RPH3A: variants seen among roughly 807,000 people sequenced by gnomAD.
RPH3A encodes the protein rabphilin 3A.
Under a neutral mutation model 102.2 loss-of-function variants are expected in RPH3A, and 48 were observed. The ratio of observed to expected loss-of-function variants is 0.47; its 90% CI spans 0.37 to 0.60. The LOEUF (loss-of-function observed/expected upper bound fraction) is 0.60. Among genes scored for constraint, RPH3A ranks in the 20% least tolerant of loss-of-function variants. RPH3A has a pLI of 0.00. For synonymous variants in RPH3A, 310 were observed against 324.3 expected (o/e 0.96, Z 0.47); for missense variants, 781 against 910.1 (o/e 0.86, Z 1.83).
At chr12:112,894,729 A>G (rs1184043342) in intron 20 of RPH3A, 70 bp downstream of exon 20, 8 of 1,319,130 alleles carry the variant, frequency 6.1e-6, no homozygotes, top group African/African-American at 1.5e-5. Flanking sequence ...AAATAGCCAC[A>G]TAGCCATTAA....
At chr12:112,612,697 T>G (rs2039648313) in intron 1 of RPH3A, among the ~76,000 whole-genome samples, 1 of 151,586 alleles carries the variant, frequency 6.6e-6, no homozygotes, top group South Asian at 2.1e-4. Flanking sequence ...CCTGAGCAGC[T>G]GGGACTACAG....
chr12:112,621,245 C>G (rs546556270), intron 1 of RPH3A, among the ~76,000 whole-genome samples: 1 of 152,032 alleles, frequency 6.6e-6, no homozygotes, highest in South Asian at 2.1e-4. Context: ...CTACAGCTCC[C>G]AGCGTGAGCG....
chr12:112,583,990 A>C (rs893860806), intron 1 of RPH3A, among the ~76,000 whole-genome samples: 1 of 152,176 alleles, frequency 6.6e-6, no homozygotes, highest in Non-Finnish European at 1.5e-5. Flanking sequence ...TGTCTCAAAA[A>C]AATAAATAAA....
At chr12:112,800,981 T>G (rs753550762) in intron 2 of RPH3A, among the ~76,000 whole-genome samples, 1 of 151,142 alleles carries the variant, frequency 6.6e-6, no homozygotes, top group African/African-American at 2.4e-5. Context: ...GGGTTTTTTG[T>G]TTTTTTTTCT....
chr12:112,736,806 A>G (rs370692980), intron 1 of RPH3A, among the ~76,000 whole-genome samples: 1 of 152,326 alleles, frequency 6.6e-6, no homozygotes, highest in East Asian at 1.9e-4. Flanking sequence ...ATAGGTGGAC[A>G]TAGTGGGGGA....
At chr12:112,600,475 C>G (rs991703206) in intron 1 of RPH3A, among the ~76,000 whole-genome samples, 3 of 152,166 alleles carry the variant, frequency 2.0e-5, no homozygotes, top group African/African-American at 7.2e-5. Flanking sequence ...CTGGTCTCCT[C>G]CAAGCAGTAT....
At chr12:112,673,668 A>G (rs2040151421) in intron 1 of RPH3A, among the ~76,000 whole-genome samples, 1 of 152,198 alleles carries the variant, frequency 6.6e-6, no homozygotes, top group South Asian at 2.1e-4. Context: ...TCAAGCATTT[A>G]TCCTTTGAGT....
At chr12:112,720,586 G>A (rs911670133) in intron 1 of RPH3A, among the ~76,000 whole-genome samples, 2 of 152,188 alleles carry the variant, frequency 1.3e-5, no homozygotes, top group Non-Finnish European at 2.9e-5. Flanking sequence ...TGCAACAAAT[G>A]TTTGGTTCTT....
intron 1 of RPH3A, among the ~76,000 whole-genome samples, chr12:112,591,897 C>T (rs2039481734): frequency 6.6e-6 from 1 of 152,126 alleles, no homozygotes; most frequent in Admixed American, 6.5e-5. Flanking sequence ...GGCAATCGTC[C>T]CTCAGTATCC....
At chr12:112,650,069 C>T (rs1320218194) in intron 1 of RPH3A, among the ~76,000 whole-genome samples, 7 of 152,204 alleles carry the variant, frequency 4.6e-5, no homozygotes, top group African/African-American at 1.7e-4. Context: ...TTTAGCACCA[C>T]CATTATCATC....
chr12:112,584,253 A>AAGG (rs10669375), intron 1 of RPH3A, among the ~76,000 whole-genome samples: 71,746 of 151,662 alleles, frequency 0.47, 20,032 homozygotes, highest in East Asian at 0.88. Context: ...TTAAACACAA[A>AAGG]AGAATAGAGT....
intron 1 of RPH3A, among the ~76,000 whole-genome samples, chr12:112,729,146 T>C (rs2040615825): frequency 6.6e-6 from 1 of 152,076 alleles, no homozygotes; most frequent in African/African-American, 2.4e-5. Context: ...AGGGAACTTT[T>C]TTTTTTTTTT....
chr12:112,759,719 A>C (rs1223348062), intron 1 of RPH3A, among the ~76,000 whole-genome samples: 3 of 152,136 alleles, frequency 2.0e-5, no homozygotes, highest in Admixed American at 6.5e-5. Flanking sequence ...ATCAGGGGCT[A>C]TGAAGGGGTT....
intron 1 of RPH3A, among the ~76,000 whole-genome samples, chr12:112,652,700 A>G (rs2135998160): frequency 6.6e-6 from 1 of 152,306 alleles, no homozygotes; most frequent in South Asian, 2.1e-4. Context: ...TTACTCATTC[A>G]TTCATTAATT....
chr12:112,710,540 A>T (rs1301424215), intron 1 of RPH3A, among the ~76,000 whole-genome samples: 1 of 152,172 alleles, frequency 6.6e-6, no homozygotes, highest in Non-Finnish European at 1.5e-5. Context: ...TTTCAGGCCC[A>T]ATCATATTTG....
At chr12:112,889,618 C>A (rs1275652366) in intron 17 of RPH3A, among the ~76,000 whole-genome samples, 1 of 152,206 alleles carries the variant, frequency 6.6e-6, no homozygotes, top group Admixed American at 6.5e-5. Context: ...GCCCCAGGGG[C>A]CATGAAGGCA....
At chr12:112,728,631 G>A (rs974115483) in intron 1 of RPH3A, among the ~76,000 whole-genome samples, 2 of 152,132 alleles carry the variant, frequency 1.3e-5, no homozygotes, top group Admixed American at 6.5e-5. Context: ...CACCTTGGAG[G>A]TGGCAGAGTG....
At chr12:112,877,086 T>G (rs910755459) in intron 13 of RPH3A, among the ~76,000 whole-genome samples, 5 of 152,170 alleles carry the variant, frequency 3.3e-5, no homozygotes, top group Admixed American at 3.3e-4. Flanking sequence ...TTTTTTATTG[T>G]GGTAAAATAC....
At chr12:112,614,203 T>C (rs533749157) in intron 1 of RPH3A, among the ~76,000 whole-genome samples, 68 of 152,286 alleles carry the variant, frequency 4.5e-4, no homozygotes, top group African/African-American at 1.6e-3. Context: ...TAAATTTGCA[T>C]TGTTGAAATC....
Sources: allele counts gnomAD v4.1 joint callset (sites outside exome capture counted in the v4.1 genomes callset), GRCh38; gene constraint gnomAD v4.1.1; transcripts MANE v1.5; gene names NCBI Gene and HGNC (gene_info 2026-07-23, HGNC 2026-07-21).